The following DDX27 variants were observed in gnomAD, a reference collection of about 807,000 sequenced individuals.
The protein encoded by DDX27 is probable ATP-dependent RNA helicase DDX27.
Under a neutral mutation model 99.3 loss-of-function variants are expected in DDX27, and 42 were observed. The observed-to-expected ratio is 0.42, with a 90% CI of 0.33 to 0.55. The LOEUF is 0.55. Among genes scored for constraint, DDX27 ranks in the 20% least tolerant of loss-of-function variants. DDX27 has a pLI of 0.07. For missense variants in DDX27, 798 were observed against 976.8 expected (o/e 0.82, Z 2.44); for synonymous variants, 329 against 353.8 (o/e 0.93, Z 0.79).
chr20:49,230,409 G>A, intron 9 of DDX27, 60 bp downstream of exon 9: 1 of 1,544,654 alleles, frequency 6.5e-7, no homozygotes, highest in Non-Finnish European at 8.7e-7. Flanking sequence ...GAACCTGGAT[G>A]TGGACCTGCC....
In DDX27 at chr20:49,233,368, G is replaced by A. The variant is rs749215203; in HGVS notation, c.1094G>A (p.Arg365His). Reference sequence around the variant, plus strand: ...ATCATCCGAATGTGTTCCCACCACCGCCAGACCATGCTCTTCTCGGCCACC... The same window carrying A: ...ATCATCCGAATGTGTTCCCACCACCACCAGACCATGCTCTTCTCGGCCACC... ...KEIIRMCSHH[R>H]QTMLFSATMT... Residue 365 changes from arginine (R) to histidine (H), a missense_variant, in exon 10 of 21, where the codon CGC (arginine) becomes CAC (histidine). Arg to His is a conservative substitution (Grantham distance 29). Transcript: ENST00000618172. The A allele has an allele frequency of 1.7e-5, 27 of 1,613,864 alleles. No individual in the cohort carries two copies. The highest frequency in any genetic ancestry group is 1.5e-4 in the African/African-American group (11 of 74,908).
chr20:49,234,744 T>C, intron 11 of DDX27, 191 bp from the exon 12 acceptor site: 1 of 574,100 alleles, frequency 1.7e-6, no homozygotes, highest in Non-Finnish European at 2.9e-6. Flanking sequence ...CTGCACTCTC[T>C]CTCACAGCAT....
chr20:49,223,099 T>C, intron 3 of DDX27, 83 bp downstream of exon 3: 2 of 1,465,282 alleles, frequency 1.4e-6, no homozygotes. Context: ...TGGAAGCCCT[T>C]ATAGAGCGGG....
chr20:49,223,244 C>T (rs1473393130), intron 3 of DDX27, 24 bp from the exon 4 acceptor site: 15 of 1,598,616 alleles, frequency 9.4e-6, no homozygotes, highest in Non-Finnish European at 9.4e-6. Flanking sequence ...TTTCTCATCA[C>T]CCTCACTTTA....
At chr20:49,239,379 AC>A (rs1358171041) in intron 16 of DDX27, 41 bp downstream of exon 16, 3 of 1,439,478 alleles carry the variant, frequency 2.1e-6, no homozygotes, top group Admixed American at 3.8e-5. Context: ...ATACAGAATT[AC>A]CCCACAGGAC....
At chr20:49,225,246 C>G in intron 6 of DDX27, 47 bp downstream of exon 6, 6 of 1,439,842 alleles carry the variant, frequency 4.2e-6, no homozygotes, top group Non-Finnish European at 5.9e-6. Context: ...CATGGTCTTG[C>G]TATGTTGTCC....
intron 16 of DDX27, among the ~76,000 whole-genome samples, chr20:49,240,136 G>A (rs1980431137): frequency 6.6e-6 from 1 of 152,160 alleles, no homozygotes; most frequent in South Asian, 2.1e-4. Flanking sequence ...CTCCTGATAG[G>A]AGTTTTGGAA....
Position 49,225,006 on chromosome 20 carries a change from G to T in DDX27, c.513+15G>T. 1 of 1,614,170 alleles carries T rather than the reference G, an allele frequency of 6.2e-7. No homozygotes were observed. ...AGAAAGGACAGGTGAGCTTGGGGCT[G>T]CAAGACAGTATGCAGCTTGTTGGCA... On this transcript the variant is annotated intron_variant, in intron 5 of 20. Coordinates refer to ENST00000618172, the MANE Select transcript of DDX27 (RefSeq NM_017895.8).
In DDX27 at chr20:49,233,588, C is replaced by G; in HGVS notation, c.1152C>G (p.Val384=). 1 of 1,613,544 alleles carries G rather than the reference C, an allele frequency of 6.2e-7. No homozygotes were observed. Among genetic ancestry groups the G allele is most frequent in the Non-Finnish European group, 8.5e-7 (1 of 1,179,568 alleles). ...MTDEVKDLAS[V]SLKNPVRIFV... ...GGCAGGTGAAAGATCTGGCTTCTGTCTCCTTGAAGAATCCTGTCCGGATAT... is the reference window on the plus strand; with the variant it reads ...GGCAGGTGAAAGATCTGGCTTCTGTGTCCTTGAAGAATCCTGTCCGGATAT... The change falls in exon 11 of 21, where the codon GTC becomes GTG. Residue 384 remains valine, a synonymous_variant. Transcript: ENST00000618172.
rs1239480312 is a variant in DDX27, at chr20:49,236,289, C to T, written c.1510-44C>T. The stretch of plus-strand genomic sequence containing the variant: ...TGGAAGTCTTTTTGCCTCTTCGCAC[C>T]CCCCTTCCCTTGCCAGGCCTGACGT... On this transcript the variant is annotated intron_variant, in intron 13 of 20. Transcript: ENST00000618172. The surrounding 1 kb of genome is among the most constrained non-coding windows in gnomAD (Gnocchi z 4.1). 3.8e-6 allele frequency: 6 copies of T among 1,567,836 alleles called. No homozygotes were observed. The African/African-American group carries it at 8.2e-5, about 21-fold the overall frequency.
Position 49,236,874 on chromosome 20 carries a change from G to T in DDX27, c.1687+364G>T, listed in dbSNP as rs912583251. ...TTCATTGATTTTGTTCCTCTGATCT[G>T]TGGGGGTCTTATAAAGCACATCCTC... On this transcript the variant is annotated intron_variant, in intron 14 of 20. Transcript: ENST00000618172. The surrounding 1 kb of genome is among the most constrained non-coding windows in gnomAD (Gnocchi z 4.1). Among the ~76,000 whole-genome samples, 2 of 152,112 alleles carry T rather than the reference G, an allele frequency of 1.3e-5. No homozygotes were observed. The highest frequency in any genetic ancestry group is 4.8e-5 in the African/African-American group (2 of 41,404).
At chr20:49,219,608 C>G in intron 1 of DDX27, 67 bp downstream of exon 1, 2 of 1,487,186 alleles carry the variant, frequency 1.3e-6, no homozygotes, top group Admixed American at 2.1e-5. Flanking sequence ...CCTCAGGTCC[C>G]TGTCCCCGAA....
At chr20:49,242,709 T>C (rs1317984572) in intron 19 of DDX27, 28 bp downstream of exon 19, 1 of 1,531,218 alleles carries the variant, frequency 6.5e-7, no homozygotes, top group Non-Finnish European at 8.9e-7. Context: ...CATGGAGCCC[T>C]TGGTATTCTT....
chr20:49,237,314 G>A (rs1350683149), intron 14 of DDX27, among the ~76,000 whole-genome samples: 1 of 152,136 alleles, frequency 6.6e-6, no homozygotes, highest in Non-Finnish European at 1.5e-5. Flanking sequence ...GGGCAAAAGT[G>A]CAAGACCCTG....
chr20:49,236,324 A>C lies in DDX27; in HGVS notation c.1510-9A>C, dbSNP rs1341840006. 1 of 1,569,370 alleles carries C rather than the reference A, an allele frequency of 6.4e-7. No individual in the cohort carries two copies. The highest frequency in any genetic ancestry group is 1.2e-5 in the South Asian group (1 of 85,832). ...TTGCCAGGCCTGACGTTCATTTTTG[A>C]CCTTCTAGGTAATCAACTTCACAAT... On this transcript the variant is annotated splice_polypyrimidine_tract_variant and intron_variant, in intron 13 of 20. Transcript: ENST00000618172. The surrounding 1 kb of genome is among the most constrained non-coding windows in gnomAD (Gnocchi z 4.1).
At chr20:49,238,657 G>A (rs1045987392) in intron 14 of DDX27, 22 of 362,420 alleles carry the variant, frequency 6.1e-5, no homozygotes, top group Non-Finnish European at 8.5e-5. Flanking sequence ...TAATAGAGAC[G>A]GGGTTTCACA....
rs957229655 is a variant in DDX27 at position 49,236,648 on chromosome 20, A to G, written c.1687+138A>G. The G allele has an allele frequency of 3.4e-6, 3 of 871,220 alleles. No individual in the cohort carries two copies. Among genetic ancestry groups the G allele is most frequent in the African/African-American group, 1.7e-5 (1 of 57,482 alleles). 54.0% of individuals were successfully genotyped at this position (871,220 alleles called of 1,614,324 possible). ...CCTGCTGCTTCCTTGCCGAGTGACC[A>G]TGTGCAGGTTTCACCTCACCTCTCT... is the stretch of plus-strand genomic sequence containing the variant. On this transcript the variant is annotated intron_variant, in intron 14 of 20. Coordinates refer to ENST00000618172, the MANE Select transcript of DDX27 (RefSeq NM_017895.8). The surrounding 1 kb of genome is among the most constrained non-coding windows in gnomAD (Gnocchi z 4.1).
chr20:49,232,615 T>C (rs1379322157), intron 9 of DDX27: 1 of 152,592 alleles, frequency 6.6e-6, no homozygotes, highest in Non-Finnish European at 1.5e-5. Context: ...TACAAAAATA[T>C]TAGCCGGGTG....
At chr20:49,219,612 C>T in intron 1 of DDX27, 71 bp downstream of exon 1, 1 of 1,459,964 alleles carries the variant, frequency 6.8e-7, no homozygotes, top group African/African-American at 1.4e-5. Flanking sequence ...AGGTCCCTGT[C>T]CCCGAATCCT....
Sources: gnomAD v4.1 joint callset for allele counts (sites outside exome capture counted in the v4.1 genomes callset) on GRCh38, gnomAD v4.1.1 for gene constraint, Gnocchi (gnomAD v3.1) non-coding constraint, MANE v1.5 for transcripts, NCBI Gene and HGNC (gene_info 2026-07-23, HGNC 2026-07-21) for gene names.